SLC12A7: variants seen among roughly 807,000 people sequenced by gnomAD.
SLC12A7 encodes the protein K-Cl cotransporter 4.
SLC12A7 carries 100 observed loss-of-function variants against 120.6 expected under a neutral mutation model. That is an observed-to-expected ratio of 0.83 (90% CI 0.71 to 0.98). The LOEUF is 0.98. Ranked by LOEUF, SLC12A7 falls within the 50% of genes least tolerant of loss-of-function variation. SLC12A7 has a pLI of 0.00. For synonymous variants in SLC12A7, 760 were observed against 678.0 expected (o/e 1.12, Z -1.88); for missense variants, 1,373 against 1,548.1 (o/e 0.89, Z 1.90).
chr5:1,099,260 G>A (rs1039378612), intron 1 of SLC12A7, among the ~76,000 whole-genome samples: 2 of 152,212 alleles, frequency 1.3e-5, no homozygotes, highest in South Asian at 4.1e-4. Flanking sequence ...CAGGAGCAGG[G>A]TACAGACATC....
rs139115242 is a variant in SLC12A7, at chr5:1,068,200, C to T, written c.2242-2722G>A. ...CTGTAATCCCAGCACTTTGGGAGGC[C>T]GAAGCAGACGAATCACTTGAGCTCA... On this transcript the variant is annotated intron_variant, in intron 17 of 23. Transcript: ENST00000264930. 9.7e-3 allele frequency among the ~76,000 whole-genome samples: 1,470 copies of T among 152,266 alleles called. 21 individuals are homozygous for T. Among genetic ancestry groups the T allele is most frequent in the African/African-American group, 0.033 (1,380 of 41,532 alleles).
the SLC12A7 span, among the ~76,000 whole-genome samples, chr5:1,124,112 C>T: frequency 2.6e-5 from 4 of 152,164 alleles, no homozygotes; most frequent in East Asian, 1.9e-4. Context: ...CCATGGACCT[C>T]GCAATGCAAA....
the SLC12A7 span, among the ~76,000 whole-genome samples, chr5:1,139,982 G>A: frequency 1.3e-5 from 2 of 152,318 alleles, no homozygotes; most frequent in South Asian, 2.1e-4. Flanking sequence ...GGACCAGGCC[G>A]GGACATGCTG....
intron 20 of SLC12A7, chr5:1,062,785 C>G (rs13170649): frequency 0.4 from 61,322 of 153,814 alleles, 13,253 homozygotes; most frequent in Non-Finnish European, 0.49. Flanking sequence ...TCCTGGGGGA[C>G]AGCGTGACAG....
At chr5:1,059,568 G>A (rs1255004226) in intron 21 of SLC12A7, among the ~76,000 whole-genome samples, 1 of 152,236 alleles carries the variant, frequency 6.6e-6, no homozygotes, top group African/African-American at 2.4e-5. Flanking sequence ...TGACCCCCGT[G>A]CTGTCCTCCA....
At chr5:1,078,920 G>A (rs1411631812) in intron 10 of SLC12A7, among the ~76,000 whole-genome samples, 162 bp from the exon 11 acceptor site, 3 of 152,104 alleles carry the variant, frequency 2.0e-5, no homozygotes, top group African/African-American at 7.2e-5. Context: ...TCCCGGGCAC[G>A]TCCTGTCCCC....
chr5:1,081,024 A>G (rs1335978673), intron 9 of SLC12A7, among the ~76,000 whole-genome samples: 2 of 147,944 alleles, frequency 1.4e-5, no homozygotes, highest in Non-Finnish European at 3.0e-5. Context: ...AGACAGACAG[A>G]GAGAGAGAGA....
the SLC12A7 span, among the ~76,000 whole-genome samples, chr5:1,143,964 C>G: frequency 6.6e-6 from 1 of 152,126 alleles, no homozygotes; most frequent in Non-Finnish European, 1.5e-5. Context: ...CGCTGGGAAA[C>G]CTGGCCTCTT....
At chr5:1,059,461 C>T (rs1735957539) in intron 21 of SLC12A7, among the ~76,000 whole-genome samples, 1 of 152,230 alleles carries the variant, frequency 6.6e-6, no homozygotes, top group South Asian at 2.1e-4. Context: ...ACACCTGCAC[C>T]TGGTCTGCAG....
chr5:1,061,115 G>GGAA, intron 20 of SLC12A7, among the ~76,000 whole-genome samples: 4 of 34,636 alleles, frequency 1.2e-4, no homozygotes, highest in African/African-American at 2.2e-4. Context: ...CTCACCCACC[G>GGAA]CACCCGCCGT....
At chr5:1,115,735 G>A (rs1190313671), upstream of SLC12A7, among the ~76,000 whole-genome samples, 3 of 152,028 alleles carry the variant, frequency 2.0e-5, no homozygotes, top group Non-Finnish European at 4.4e-5. Flanking sequence ...CTGCCTGGCA[G>A]GGCCGGGCAC....
At chr5:1,111,467 G>A (rs900086904) in intron 1 of SLC12A7, among the ~76,000 whole-genome samples, 3 of 152,094 alleles carry the variant, frequency 2.0e-5, no homozygotes, top group African/African-American at 7.2e-5. Flanking sequence ...GCAGGGGAAG[G>A]GAGAGCGCGG....
chr5:1,129,648 C>G, the SLC12A7 span, among the ~76,000 whole-genome samples: 1 of 151,916 alleles, frequency 6.6e-6, no homozygotes, highest in Non-Finnish European at 1.5e-5. Flanking sequence ...GCAAGGTTTC[C>G]AAAGCCCTCA....
intron 20 of SLC12A7, among the ~76,000 whole-genome samples, chr5:1,060,793 G>A (rs999372410): frequency 1.3e-5 from 2 of 152,172 alleles, no homozygotes; most frequent in African/African-American, 2.4e-5. Flanking sequence ...CATGATCCAC[G>A]CTCACAGGTG....
intron 5 of SLC12A7, among the ~76,000 whole-genome samples, 159 bp downstream of exon 5, chr5:1,088,147 A>G (rs1019769670): frequency 8.5e-5 from 13 of 152,320 alleles, no homozygotes; most frequent in African/African-American, 3.1e-4. Flanking sequence ...CACGGCTCAA[A>G]CGCCAGAGGA....
In SLC12A7 at chr5:1,081,665, C is replaced by T. The variant is rs1028585192; in HGVS notation, c.1209G>A (p.Glu403=). 1.9e-6 allele frequency: 3 copies of T among 1,613,124 alleles called. No individual in the cohort carries two copies. The highest frequency in any genetic ancestry group is 2.5e-6 in the Non-Finnish European group (3 of 1,179,962). Residue 403 remains glutamate, a synonymous_variant, in exon 9 of 24, where the codon GAG becomes GAA. Coordinates refer to ENST00000264930, the MANE Select transcript of SLC12A7 (RefSeq NM_006598.3). ...KGVPSVPVAE[E]SRASALPYVL... Reference sequence around the variant, plus strand: ...CGTAGGGCAGTGCGCTGGCACGGCTCTCCTCTGCCACGGGCACCGAGGGCA... The same window carrying T: ...CGTAGGGCAGTGCGCTGGCACGGCTTTCCTCTGCCACGGGCACCGAGGGCA...
chr5:1,083,683 C>T, intron 8 of SLC12A7, 62 bp downstream of exon 8: 2 of 1,539,400 alleles, frequency 1.3e-6, no homozygotes, highest in Non-Finnish European at 1.8e-6. Context: ...GAGCAGCCAC[C>T]AGGGCCAGCG....
the SLC12A7 span, among the ~76,000 whole-genome samples, chr5:1,150,414 T>C: frequency 6.6e-6 from 1 of 152,066 alleles, no homozygotes; most frequent in Non-Finnish European, 1.5e-5. Context: ...GGTGGAGCCC[T>C]GCACCAAGGC....
rs755289571 is a variant in SLC12A7, at chr5:1,077,934, C to T, written c.1528G>A (p.Gly510Ser). 1.2e-5 allele frequency: 20 copies of T among 1,601,590 alleles called. No individual in the cohort carries two copies. Among genetic ancestry groups the T allele is most frequent in the East Asian group, 2.3e-5 (1 of 44,184 alleles). The change falls in exon 12 of 24, where the codon GGC becomes AGC. Residue 510 changes from glycine to serine, a missense_variant. Gly to Ser is a moderately conservative substitution (Grantham distance 56). Coordinates refer to ENST00000264930, the MANE Select transcript of SLC12A7 (RefSeq NM_006598.3). ...GCACCGCAGGTGGAGAAGAAGGAGC[C>T]GATGACGATGACCCAGGGGGAGGGC... is the stretch of plus-strand genomic sequence containing the variant. ...AWPSPWVIVI[G>S]SFFSTCGAGL...
Sources: gnomAD v4.1 joint callset for allele counts (sites outside exome capture counted in the v4.1 genomes callset) on GRCh38, gnomAD v4.1.1 for gene constraint, MANE v1.5 for transcripts, NCBI Gene and HGNC (gene_info 2026-07-23, HGNC 2026-07-21) for gene names.